Variants in NOSIP observed in about 807,000 individuals in gnomAD.
The protein encoded by NOSIP is nitric oxide synthase interacting protein.
A neutral mutation model predicts 36.4 loss-of-function variants in NOSIP; 25 were observed. That is an observed-to-expected ratio of 0.69 (90% CI 0.50 to 0.96). The LOEUF is 0.96. Ranked by LOEUF, NOSIP falls within the 40% of genes least tolerant of loss-of-function variation. The pLI, the probability that NOSIP is intolerant of heterozygous loss-of-function variation, is 0.00. For synonymous variants in NOSIP, 187 were observed against 179.2 expected, an observed-to-expected ratio of 1.04 and a Z score of -0.35; for missense variants, 370 against 429.0, an observed-to-expected ratio of 0.86 and a Z score of 1.21.
chr19:49,562,364 T>C (rs2080347509), intron 1 of NOSIP, among the ~76,000 whole-genome samples: 1 of 152,018 alleles, frequency 6.6e-6, no homozygotes, highest in Non-Finnish European at 1.5e-5. Context: ...CCTCAGGTGA[T>C]CCACCTGCCT....
At chr19:49,556,803 T>C in intron 6 of NOSIP, 67 bp from the exon 7 acceptor site, 1 of 1,595,996 alleles carries the variant, frequency 6.3e-7, no homozygotes, top group South Asian at 1.1e-5. Flanking sequence ...GCGTGGTCCC[T>C]GTGCGTGAGG....
rs983417291 is a variant in NOSIP, at chr19:49,555,489, C to T, written c.*262G>A. On this transcript the variant is annotated 3_prime_UTR_variant, in exon 9 of 9. Transcript: ENST00000596358. The stretch of plus-strand genomic sequence containing the variant: ...GGCCAGGCTGGTCTCGAACTCCTGA[C>T]CTCAAGTGATACGCTAGCCTCGGCC... 5.3e-5 allele frequency among the ~76,000 whole-genome samples: 8 copies of T among 152,152 alleles called. No individual in the cohort carries two copies. Among genetic ancestry groups the T allele is most frequent in the African/African-American group, 1.7e-4 (7 of 41,446 alleles).
At chr19:49,556,170 C>CCG in intron 8 of NOSIP, 147 bp downstream of exon 8, 1 of 227,150 alleles carries the variant, frequency 4.4e-6, no homozygotes. Flanking sequence ...CAGGAGAAAG[C>CCG]GGGGGGGGGG....
intron 4 of NOSIP, chr19:49,558,025 G>C (rs1385185015): frequency 1.4e-6 from 1 of 716,044 alleles, no homozygotes; most frequent in Non-Finnish European, 1.7e-6. Flanking sequence ...GGAAGAGGGG[G>C]ACAGACCCAC....
chr19:49,564,852 C>T (rs2080385128), intron 1 of NOSIP, among the ~76,000 whole-genome samples: 1 of 152,182 alleles, frequency 6.6e-6, no homozygotes, highest in South Asian at 2.1e-4. Context: ...CAACAGCCTA[C>T]TGTCATACCC....
intron 1 of NOSIP, among the ~76,000 whole-genome samples, chr19:49,561,831 C>T (rs570377790): frequency 1.3e-5 from 2 of 151,078 alleles, no homozygotes; most frequent in African/African-American, 2.4e-5. Flanking sequence ...TGCAGTGAGC[C>T]GACATCATGC....
rs373372386 is a variant in NOSIP at position 49,560,657 on chromosome 19, G to A, written c.35C>T (p.Ala12Val). ...TRHGKNCTAG[A>V]VYTYHEKKKD... Reference sequence around the variant, plus strand: ...CTTCTTCTCGTGGTAGGTGTAGACGGCCCCTGCGGTGCAGTTCTTGCCATG... The same window carrying A: ...CTTCTTCTCGTGGTAGGTGTAGACGACCCCTGCGGTGCAGTTCTTGCCATG... Residue 12 changes from alanine to valine, a missense_variant, in exon 2 of 9, where the codon GCC becomes GTC. Ala to Val is a moderately conservative substitution (Grantham distance 64, BLOSUM62 0). Coordinates refer to ENST00000596358, the MANE Select transcript of NOSIP (RefSeq NM_001270960.2). This position sits in a 1 kb window ranked among gnomAD's most constrained non-coding sequence, Gnocchi z 4.6. The A allele has an allele frequency of 1.3e-6, 2 of 1,596,596 alleles. No individual in the cohort carries two copies. Among genetic ancestry groups the A allele is most frequent in the African/African-American group, 2.7e-5 (2 of 74,514 alleles).
intron 1 of NOSIP, chr19:49,566,635 T>C (rs1599757055): frequency 6.6e-6 from 1 of 152,010 alleles, no homozygotes; most frequent in Non-Finnish European, 1.5e-5. Flanking sequence ...GTGGAATAAC[T>C]GATTCAAAGG....
chr19:49,556,775 C>T, intron 6 of NOSIP, 39 bp from the exon 7 acceptor site: 1 of 1,583,598 alleles, frequency 6.3e-7, no homozygotes, highest in Non-Finnish European at 8.6e-7. Context: ...GTAGGCAGGG[C>T]TGGCGCAGGT....
intron 1 of NOSIP, among the ~76,000 whole-genome samples, chr19:49,565,213 C>A (rs1312988231): frequency 1.3e-5 from 2 of 151,502 alleles, no homozygotes; most frequent in African/African-American, 2.4e-5. Context: ...GTCAAGGCTG[C>A]AGTGAGCCAT....
intron 1 of NOSIP, among the ~76,000 whole-genome samples, chr19:49,573,985 A>C (rs1230842877): frequency 6.7e-6 from 1 of 150,356 alleles, no homozygotes; most frequent in Non-Finnish European, 1.5e-5. Flanking sequence ...TCAGCCTCCC[A>C]AGTAGCTGGG....
In NOSIP at chr19:49,560,170, T is replaced by G. The variant is rs1599748476; in HGVS notation, c.71-131A>C. 1.5e-6 allele frequency: 1 copy of G among 648,236 alleles called. No homozygotes were observed. 40.2% of individuals were successfully genotyped at this position (648,236 alleles called of 1,614,324 possible). Reference sequence around the variant, plus strand: ...GGGGACTCAGAGAGAAACAGGCAGTTGGGAGCCGCTGCCTGTGTGCTGGGG... The same window carrying G: ...GGGGACTCAGAGAGAAACAGGCAGTGGGGAGCCGCTGCCTGTGTGCTGGGG... On this transcript the variant is annotated intron_variant, in intron 2 of 8. Coordinates refer to ENST00000596358, the MANE Select transcript of NOSIP (RefSeq NM_001270960.2). This position sits in a 1 kb window ranked among gnomAD's most constrained non-coding sequence, Gnocchi z 4.6.
chr19:49,557,277 C>G, intron 4 of NOSIP, 28 bp from the exon 5 acceptor site: 3 of 1,552,552 alleles, frequency 1.9e-6, no homozygotes, highest in Admixed American at 3.8e-5. Context: ...GGCTGAGCAT[C>G]TGCCCGTGGG....
At chr19:49,579,310 G>C (rs898248822) in intron 1 of NOSIP, 1 of 152,154 alleles carries the variant, frequency 6.6e-6, no homozygotes, top group African/African-American at 2.4e-5. Context: ...AAAATTTATA[G>C]AAGGTCATTG....
At chr19:49,570,717 C>A (rs2080473133) in intron 1 of NOSIP, among the ~76,000 whole-genome samples, 1 of 152,126 alleles carries the variant, frequency 6.6e-6, no homozygotes, top group African/African-American at 2.4e-5. Flanking sequence ...CCTCCCCTCA[C>A]CTGCCATCCG....
chr19:49,558,897 C>T lies in NOSIP; in HGVS notation c.258G>A (p.Lys86=). 6.2e-7 allele frequency: 1 copy of T among 1,613,748 alleles called. No homozygotes were observed. The highest frequency in any genetic ancestry group is 8.5e-7 in the Non-Finnish European group (1 of 1,179,666). Residue 86 remains lysine, a splice_region_variant and synonymous_variant, in exon 4 of 9, where the codon AAG becomes AAA. Transcript: ENST00000596358. ...HQKKEIARQM[K]AYEKQRGTRR... ...GCCGCCTCCTCCCCATCCCCATCAC[C>T]TTCATCTGCCGGGCAATCTCCTTCT...
chr19:49,560,628 CCTT>C lies in NOSIP; in HGVS notation c.61_63del (p.Lys21del), dbSNP rs754345292. 31 of 1,589,070 alleles carry C rather than the reference CCTT, an allele frequency of 2.0e-5. No individual in the cohort carries two copies. Among genetic ancestry groups the C allele is most frequent in the South Asian group, 2.3e-5 (2 of 87,100 alleles). ...TCCCACCCCAGCCCTGCACCTGTGTCCTTCTTCTTCTCGTGGTAGGTGTAGACG... is the reference window on the plus strand; with the variant it reads ...TCCCACCCCAGCCCTGCACCTGTGTCCTTCTTCTCGTGGTAGGTGTAGACG... On this transcript the variant is annotated inframe_deletion, in exon 2 of 9. Coordinates refer to ENST00000596358, the MANE Select transcript of NOSIP (RefSeq NM_001270960.2). The surrounding 1 kb of genome is among the most constrained non-coding windows in gnomAD (Gnocchi z 4.6).
intron 1 of NOSIP, among the ~76,000 whole-genome samples, chr19:49,564,808 A>G (rs2080384407): frequency 6.6e-6 from 1 of 152,196 alleles, no homozygotes; most frequent in Non-Finnish European, 1.5e-5. Flanking sequence ...AAACTGGGCC[A>G]TATCACATAA....
At chr19:49,569,730 C>T (rs2080460577) in intron 1 of NOSIP, among the ~76,000 whole-genome samples, 1 of 151,814 alleles carries the variant, frequency 6.6e-6, no homozygotes, top group Non-Finnish European at 1.5e-5. Flanking sequence ...ATTGCTTGAA[C>T]CCGGGAGGTG....
Sources: allele counts gnomAD v4.1 joint callset (sites outside exome capture counted in the v4.1 genomes callset), GRCh38; gene constraint gnomAD v4.1.1; non-coding constraint Gnocchi (gnomAD v3.1); transcripts MANE v1.5; gene names NCBI Gene and HGNC (gene_info 2026-07-23, HGNC 2026-07-21).